SCAPER: variants seen among roughly 807,000 people sequenced by gnomAD.
The protein encoded by SCAPER is S phase cyclin A-associated protein in the endoplasmic reticulum.
A neutral mutation model predicts 182.2 loss-of-function variants in SCAPER; 98 were observed. The ratio of observed to expected loss-of-function variants is 0.54; its 90% CI spans 0.46 to 0.64. The LOEUF (loss-of-function observed/expected upper bound fraction) is 0.64. Among genes scored for constraint, SCAPER ranks in the 30% least tolerant of loss-of-function variants. The pLI, the probability that SCAPER is intolerant of heterozygous loss-of-function variation, is 0.00. For missense variants in SCAPER, 1,432 were observed against 1,690.0 expected (o/e 0.85, Z 2.68); for synonymous variants, 605 against 564.6 (o/e 1.07, Z -1.01).
chr15:76,612,220 C>G (rs997483058), intron 22 of SCAPER, among the ~76,000 whole-genome samples: 6 of 152,118 alleles, frequency 3.9e-5, no homozygotes, highest in African/African-American at 1.4e-4. Flanking sequence ...CAAAAAGCTG[C>G]TGCTGCTGCT....
intron 23 of SCAPER, among the ~76,000 whole-genome samples, chr15:76,538,042 T>C (rs1220449584): frequency 1.5e-4 from 23 of 151,716 alleles, no homozygotes; most frequent in African/African-American, 2.9e-4. Context: ...GTTTGAATGG[T>C]GATCATTAAA....
intron 21 of SCAPER, among the ~76,000 whole-genome samples, chr15:76,650,061 A>C (rs34287706): frequency 0.38 from 57,973 of 151,996 alleles, 13,055 homozygotes; most frequent in Middle Eastern, 0.52. Context: ...GGCAGAGGAA[A>C]GGAAGATGGA....
At chr15:76,471,095 CTTCTT>C (rs1336938072) in intron 25 of SCAPER, 112 bp downstream of exon 25, 70 of 804,864 alleles carry the variant, frequency 8.7e-5, no homozygotes, top group Admixed American at 1.5e-4. Context: ...TCTTCTTCTT[CTTCTT>C]TTTTTTTTTT....
At chr15:76,903,484 C>G (rs2074911107) in intron 1 of SCAPER, among the ~76,000 whole-genome samples, 1 of 152,124 alleles carries the variant, frequency 6.6e-6, no homozygotes, top group African/African-American at 2.4e-5. Flanking sequence ...GATAAATTCC[C>G]TTATAAGAGG....
chr15:76,486,040 T>C (rs1338921118), intron 24 of SCAPER, among the ~76,000 whole-genome samples: 1 of 151,998 alleles, frequency 6.6e-6, no homozygotes, highest in Non-Finnish European at 1.5e-5. Flanking sequence ...ACCCCGTCTC[T>C]ACCAAAAATA....
At chr15:76,797,027 A>G (rs1348447204) in intron 7 of SCAPER, among the ~76,000 whole-genome samples, 9 of 152,008 alleles carry the variant, frequency 5.9e-5, no homozygotes, top group East Asian at 3.8e-4. Context: ...AGGTCCTAGT[A>G]TAAGTACAAA....
intron 1 of SCAPER, among the ~76,000 whole-genome samples, chr15:76,900,342 T>TAAAA (rs56677318): frequency 1.7e-5 from 1 of 59,110 alleles, no homozygotes; most frequent in African/African-American, 6.3e-5. Context: ...CAATAAATAC[T>TAAAA]AAAAAAAAAA....
At chr15:76,666,682 A>C (rs1407023765) in intron 20 of SCAPER, among the ~76,000 whole-genome samples, 1 of 152,180 alleles carries the variant, frequency 6.6e-6, no homozygotes, top group Non-Finnish European at 1.5e-5. Flanking sequence ...TGCCTTGCTA[A>C]AAATTATTTT....
intron 1 of SCAPER, among the ~76,000 whole-genome samples, chr15:76,886,805 G>A (rs1438807036): frequency 1.3e-5 from 2 of 152,152 alleles, no homozygotes; most frequent in Non-Finnish European, 2.9e-5. Flanking sequence ...ATACACCAGG[G>A]AATACTATGC....
chr15:76,542,568 TAAAATAAAATAAAAA>T (rs2044862880), intron 23 of SCAPER, among the ~76,000 whole-genome samples: 2 of 149,708 alleles, frequency 1.3e-5, no homozygotes, highest in South Asian at 4.2e-4. Flanking sequence ...TAAAATAAAA[TAAAATAAAATAAAAA>T]AAAGAATCCA....
At chr15:76,634,442 A>C (rs2053422636) in intron 21 of SCAPER, among the ~76,000 whole-genome samples, 1 of 151,994 alleles carries the variant, frequency 6.6e-6, no homozygotes, top group Non-Finnish European at 1.5e-5. Flanking sequence ...GCCCCCTTCT[A>C]TATAAATTTT....
rs117170982 is a variant in SCAPER, at chr15:76,885,287, A to G, written c.-59-1411T>C. On this transcript the variant is annotated intron_variant, in intron 1 of 31. Transcript: ENST00000563290. ...TCCTCACAGTAGGTTATCATGTCCA[A>G]AATTTTCCAATTCCATACACCCCTT... 1.4e-3 allele frequency among the ~76,000 whole-genome samples: 209 copies of G among 152,238 alleles called. 1 individual carries two copies. Among genetic ancestry groups the G allele is most frequent in the Non-Finnish European group, 2.3e-3 (154 of 68,012 alleles).
intron 27 of SCAPER, among the ~76,000 whole-genome samples, chr15:76,388,225 A>G (rs1325480711): frequency 6.6e-6 from 1 of 152,242 alleles, no homozygotes; most frequent in Non-Finnish European, 1.5e-5. Flanking sequence ...CTGTCTTCAA[A>G]CTGAAGAAGT....
chr15:76,474,104 C>T (rs1350143886), intron 24 of SCAPER, among the ~76,000 whole-genome samples: 1 of 152,172 alleles, frequency 6.6e-6, no homozygotes, highest in Admixed American at 6.5e-5. Flanking sequence ...AGCCACCATG[C>T]CTGGTACCTG....
chr15:76,742,853 TA>T (rs1298861300), intron 15 of SCAPER, among the ~76,000 whole-genome samples: 1 of 151,978 alleles, frequency 6.6e-6, no homozygotes, highest in Non-Finnish European at 1.5e-5. Context: ...AAATTTAAAT[TA>T]AAAAAATTAC....
At chr15:76,588,310 T>G (rs536690452) in intron 22 of SCAPER, among the ~76,000 whole-genome samples, 1 of 152,318 alleles carries the variant, frequency 6.6e-6, no homozygotes, top group African/African-American at 2.4e-5. Flanking sequence ...GATTGTGATA[T>G]TTTCCTGTTG....
At chr15:76,744,583 T>C (rs1336485074) in intron 15 of SCAPER, among the ~76,000 whole-genome samples, 1 of 152,094 alleles carries the variant, frequency 6.6e-6, no homozygotes, top group Non-Finnish European at 1.5e-5. Context: ...CACAATGAGA[T>C]ACCATCTCAC....
intron 16 of SCAPER, among the ~76,000 whole-genome samples, chr15:76,732,767 G>A (rs1305765288): frequency 1.3e-5 from 2 of 152,192 alleles, no homozygotes; most frequent in Non-Finnish European, 2.9e-5. Context: ...CCACTTTCAT[G>A]TTCCATCCTG....
chr15:76,793,420 C>T, intron 8 of SCAPER: 1 of 557,054 alleles, frequency 1.8e-6, no homozygotes. Flanking sequence ...TATTAGAACA[C>T]TGGGACTTTC....
Sources: allele counts gnomAD v4.1 joint callset (sites outside exome capture counted in the v4.1 genomes callset), GRCh38; gene constraint gnomAD v4.1.1; transcripts MANE v1.5; gene names NCBI Gene and HGNC (gene_info 2026-07-23, HGNC 2026-07-21).